KIF13A: variants seen among roughly 807,000 people sequenced by gnomAD.
KIF13A encodes kinesin-like protein KIF13A.
KIF13A carries 79 observed loss-of-function variants against 212.2 expected under a neutral mutation model. That is an observed-to-expected ratio of 0.37 (90% CI 0.31 to 0.45). The LOEUF (loss-of-function observed/expected upper bound fraction) is 0.45. KIF13A is among the 20% of genes least tolerant of loss of function. The probability of loss-of-function intolerance (pLI) is 1.00; values close to 1 mark genes in which losing one functional copy is unlikely to be tolerated. For missense variants in KIF13A, 1,901 were observed against 2,209.0 expected (o/e 0.86, Z 2.79); for synonymous variants, 789 against 808.6 (o/e 0.98, Z 0.41).
rs780021482 is a variant in KIF13A, at chr6:17,794,671, C to T, written c.2976G>A (p.Trp992Ter). Reference protein sequence around the residue: ...WNEVTRRIEMWISILELNELG... With the variant: ...WNEVTRRIEM The stretch of plus-strand genomic sequence containing the variant: ...ACTCATTCAATTCTAATATGGAGAT[C>T]CACATTTCTATTCTTCGCGTTACTT... The change falls in exon 24 of 39, where the codon TGG (tryptophan) becomes TGA (stop). Residue 992 changes from tryptophan (W) to a stop codon, truncating the protein, a stop_gained. Transcript: ENST00000259711. LOFTEE classifies it high-confidence loss of function. This position sits in a 1 kb window ranked among gnomAD's most constrained non-coding sequence, Gnocchi z 4.1. The T allele has an allele frequency of 6.2e-7, 1 of 1,611,988 alleles. No individual in the cohort carries two copies. The highest frequency in any genetic ancestry group is 8.5e-7 in the Non-Finnish European group (1 of 1,179,460).
At chr6:17,784,350 C>A (rs915396735) in intron 28 of KIF13A, among the ~76,000 whole-genome samples, 1 of 151,958 alleles carries the variant, frequency 6.6e-6, no homozygotes, top group Non-Finnish European at 1.5e-5. Context: ...CCTGGGAGAT[C>A]GAGGTTGCAG....
At chr6:17,904,777 G>A (rs12199169) in intron 2 of KIF13A, among the ~76,000 whole-genome samples, 15,945 of 152,268 alleles carry the variant, frequency 0.1, 1,162 homozygotes, top group African/African-American at 0.18. Flanking sequence ...AGGCCCTGAT[G>A]TACAATGCCC....
chr6:17,855,982 A>AT lies in KIF13A; in HGVS notation c.313+47dup. ...CACCCCAGCCTCACCAAGTCCTGGG[A>AT]TTATAGGCATGATCCCCCACATCTG... On this transcript the variant is annotated intron_variant, in intron 5 of 38. Coordinates refer to ENST00000259711, the MANE Select transcript of KIF13A (RefSeq NM_022113.6). The surrounding 1 kb of genome is among the most constrained non-coding windows in gnomAD (Gnocchi z 4.1). 1 of 1,325,794 alleles carries AT rather than the reference A, an allele frequency of 7.5e-7. No individual in the cohort carries two copies. Among genetic ancestry groups the AT allele is most frequent in the East Asian group, 2.3e-5 (1 of 43,382 alleles). The allele number at this position is 1,325,794 out of a possible 1,614,324, so 82.1% of individuals were successfully genotyped here. A position where few individuals can be genotyped will look rare whatever the true frequency, so the allele number is the denominator to read the frequency against.
rs1193436510 is a variant in KIF13A, at chr6:17,856,274, T to C, written c.221-152A>G. On this transcript the variant is annotated intron_variant, in intron 4 of 38. Coordinates refer to ENST00000259711, the MANE Select transcript of KIF13A (RefSeq NM_022113.6). The surrounding 1 kb of genome is among the most constrained non-coding windows in gnomAD (Gnocchi z 4.5). Reference sequence around the variant, plus strand: ...ACAGGGCTGTGTATTAAGAGCTTGATATATGCAATTTCATCCACACTTCTA... The same window carrying C: ...ACAGGGCTGTGTATTAAGAGCTTGACATATGCAATTTCATCCACACTTCTA... Among the ~76,000 whole-genome samples, 1 of 152,218 alleles carries C rather than the reference T, an allele frequency of 6.6e-6. No homozygotes were observed. Among genetic ancestry groups the C allele is most frequent in the Non-Finnish European group, 1.5e-5 (1 of 68,048 alleles).
intron 11 of KIF13A, among the ~76,000 whole-genome samples, chr6:17,835,781 T>C (rs1379341641): frequency 6.6e-6 from 1 of 152,268 alleles, no homozygotes; most frequent in Non-Finnish European, 1.5e-5. Context: ...TTCTATTGAT[T>C]ACTTTTTGAT....
rs568272320 is a variant in KIF13A, at chr6:17,919,160, A to G, written c.147-20980T>C. On this transcript the variant is annotated intron_variant, in intron 2 of 38. Transcript: ENST00000259711. This position sits in a 1 kb window ranked among gnomAD's most constrained non-coding sequence, Gnocchi z 4.1. Reference sequence around the variant, plus strand: ...TTGAAGACCAAGTAAACATACATATAGTGCTGTGTTTTTACAAATGCTTTA... The same window carrying G: ...TTGAAGACCAAGTAAACATACATATGGTGCTGTGTTTTTACAAATGCTTTA... Among the ~76,000 whole-genome samples the G allele has an allele frequency of 3.3e-5, 5 of 152,366 alleles. No individual in the cohort carries two copies. In the South Asian group the frequency reaches 1.0e-3, roughly 32 times the overall value.
intron 18 of KIF13A, 26 bp downstream of exon 18, chr6:17,808,742 C>T: frequency 1.9e-6 from 3 of 1,598,088 alleles, no homozygotes; most frequent in Non-Finnish European, 2.6e-6. Flanking sequence ...GTGCATCTTG[C>T]CCTCTCACTT....
intron 2 of KIF13A, among the ~76,000 whole-genome samples, chr6:17,924,115 T>C (rs1775303858): frequency 6.6e-6 from 1 of 152,192 alleles, no homozygotes. Flanking sequence ...TTTAAAAAAA[T>C]TATCAGGATC....
chr6:17,932,803 GAA>G (rs5874615), intron 2 of KIF13A, among the ~76,000 whole-genome samples: 26 of 144,592 alleles, frequency 1.8e-4, no homozygotes, highest in East Asian at 8.1e-4. Flanking sequence ...AGAATGGAAA[GAA>G]AAAAAAAAAA....
chr6:17,802,934 T>G (rs9371021), intron 20 of KIF13A, among the ~76,000 whole-genome samples: 3 of 136,770 alleles, frequency 2.2e-5, no homozygotes, highest in Non-Finnish European at 3.2e-5. Flanking sequence ...TTTTTTTTGT[T>G]TTTTTTTGTT....
intron 2 of KIF13A, among the ~76,000 whole-genome samples, chr6:17,975,296 T>C (rs1780247691): frequency 1.3e-5 from 2 of 152,110 alleles, no homozygotes; most frequent in South Asian, 2.1e-4. Flanking sequence ...AAGGTTGCAA[T>C]GAGCTGAGAC....
At position 17,914,984 on chromosome 6, in the gene KIF13A, T is replaced by C. The variant is rs1012202033; in HGVS notation, c.147-16804A>G. On this transcript the variant is annotated intron_variant, in intron 2 of 38. Coordinates refer to ENST00000259711, the MANE Select transcript of KIF13A (RefSeq NM_022113.6). This position sits in a 1 kb window ranked among gnomAD's most constrained non-coding sequence, Gnocchi z 5.9. ...CTATTAAAGACTTGACTTCAATTAA[T>C]ACACCTTCTGATGGACTCATACATT... Among the ~76,000 whole-genome samples, 6 of 152,222 alleles carry C rather than the reference T, an allele frequency of 3.9e-5. No individual in the cohort carries two copies. Among genetic ancestry groups the C allele is most frequent in the African/African-American group, 1.4e-4 (6 of 41,454 alleles).
intron 2 of KIF13A, among the ~76,000 whole-genome samples, chr6:17,986,243 T>C (rs1182954895): frequency 4.6e-5 from 7 of 152,260 alleles, no homozygotes; most frequent in East Asian, 3.8e-4. Context: ...CATTATTATA[T>C]TGAATGAATT....
At chr6:17,958,826 A>G (rs539156776) in intron 2 of KIF13A, among the ~76,000 whole-genome samples, 1 of 151,660 alleles carries the variant, frequency 6.6e-6, no homozygotes, top group African/African-American at 2.4e-5. Context: ...TAAAAATCCA[A>G]TTATAAAACC....
At position 17,850,559 on chromosome 6, in the gene KIF13A, C is replaced by T. The variant is rs1181252120; in HGVS notation, c.583-102G>A. On this transcript the variant is annotated intron_variant, in intron 7 of 38. Transcript: ENST00000259711. The surrounding 1 kb of genome is among the most constrained non-coding windows in gnomAD (Gnocchi z 6.2). ...ATTATGATTCCTCTGATGCCTTTGT[C>T]ACCACCCTTCCATAGAAACCTCCCT... 5 of 1,196,198 alleles carry T rather than the reference C, an allele frequency of 4.2e-6. No homozygotes were observed. The African/African-American group carries it at 6.1e-5, about 15-fold the overall frequency. The allele number at this position is 1,196,198 out of a possible 1,614,324, so 74.1% of individuals were successfully genotyped here. A position where few individuals can be genotyped will look rare whatever the true frequency, so the allele number is the denominator to read the frequency against.
At chr6:17,945,950 G>C (rs1335773641) in intron 2 of KIF13A, among the ~76,000 whole-genome samples, 2 of 152,092 alleles carry the variant, frequency 1.3e-5, no homozygotes, top group Non-Finnish European at 2.9e-5. Flanking sequence ...AATAGTGCCA[G>C]GATAATAGGT....
chr6:17,792,808 C>T (rs920070684), intron 25 of KIF13A, among the ~76,000 whole-genome samples: 43 of 152,202 alleles, frequency 2.8e-4, no homozygotes, highest in Non-Finnish European at 1.9e-4. Context: ...CACTGACTTT[C>T]AGCTTTCAGA....
At chr6:17,842,001 G>A (rs56299418) in intron 9 of KIF13A, among the ~76,000 whole-genome samples, 578 of 28,880 alleles carry the variant, frequency 0.02, 3 homozygotes, top group African/African-American at 0.083. Context: ...ATACACATAC[G>A]TGTGTGTGTG....
rs1054274014 is a variant in KIF13A at position 17,963,396 on chromosome 6, C to T, written c.146+23658G>A. 1.3e-5 allele frequency among the ~76,000 whole-genome samples: 2 copies of T among 151,646 alleles called. No homozygotes were observed. Among genetic ancestry groups the T allele is most frequent in the African/African-American group, 4.9e-5 (2 of 41,228 alleles). On this transcript the variant is annotated intron_variant, in intron 2 of 38. Transcript: ENST00000259711. This position sits in a 1 kb window ranked among gnomAD's most constrained non-coding sequence, Gnocchi z 4.1. Reference sequence around the variant, plus strand: ...TCGTGCCGTTGCACTCTAGCCTGGGCAACAAGAGCAAAACTCCAACTCAAA... The same window carrying T: ...TCGTGCCGTTGCACTCTAGCCTGGGTAACAAGAGCAAAACTCCAACTCAAA...
Sources: allele counts gnomAD v4.1 joint callset (sites outside exome capture counted in the v4.1 genomes callset), GRCh38; gene constraint gnomAD v4.1.1; non-coding constraint Gnocchi (gnomAD v3.1); transcripts MANE v1.5; gene names NCBI Gene and HGNC (gene_info 2026-07-23, HGNC 2026-07-21).